The following IQGAP2 variants were observed in gnomAD, a reference collection of about 807,000 sequenced individuals.
The protein encoded by IQGAP2 is ras GTPase-activating-like protein IQGAP2.
Under a neutral mutation model 201.3 loss-of-function variants are expected in IQGAP2, and 173 were observed. The ratio of observed to expected loss-of-function variants is 0.86; its 90% confidence interval spans 0.76 to 0.98. The LOEUF is 0.98. Ranked by LOEUF, IQGAP2 falls within the 50% of genes least tolerant of loss-of-function variation. The probability of loss-of-function intolerance (pLI) is 0.00; values close to 1 mark genes in which losing one functional copy is unlikely to be tolerated. For synonymous variants in IQGAP2, 675 were observed against 673.9 expected (o/e 1.00, Z -0.03); for missense variants, 1,687 against 1,864.8 (o/e 0.90, Z 1.76).
Position 76,673,968 on chromosome 5 carries a change from A to G in IQGAP2, c.3226A>G (p.Ile1076Val), listed in dbSNP as rs746982087. The part of the protein sequence containing the change: ...LDLLPYGLRY[I>V]AKVLKNSIHE... The stretch of plus-strand genomic sequence containing the variant: ...TATATGTAGTTATGGATTGAGGTAT[A>G]TAGCCAAAGTACTGAAGAATTCGAT... The change falls in exon 26 of 36, where the codon ATA becomes GTA. Residue 1076 changes from isoleucine to valine, a missense_variant. By Grantham distance (29) the Ile-to-Val change is conservative (BLOSUM62 3). Transcript: ENST00000274364. The G allele has an allele frequency of 3.1e-6, 5 of 1,594,294 alleles. No individual in the cohort carries two copies. The African/African-American group carries it at 5.4e-5, about 17-fold the overall frequency.
intron 2 of IQGAP2, among the ~76,000 whole-genome samples, chr5:76,489,471 T>C (rs13158404): frequency 0.53 from 80,177 of 152,056 alleles, 21,362 homozygotes; most frequent in Middle Eastern, 0.65. Flanking sequence ...TGTTTGTTTG[T>C]TTGTTTTTTA....
At position 76,414,295 on chromosome 5, in the gene IQGAP2, C is replaced by T. The variant is rs138171377; in HGVS notation, c.46+10704C>T. 1.2e-4 allele frequency among the ~76,000 whole-genome samples: 18 copies of T among 152,260 alleles called. No individual in the cohort carries two copies. The East Asian group carries it at 3.1e-3, about 26-fold the overall frequency. ...GATGAGGAGCCTGGTAAGATAGTCA[C>T]ATAGTCAGCCTCATGAAATATGACT... is the stretch of plus-strand genomic sequence containing the variant. On this transcript the variant is annotated intron_variant, in intron 1 of 35. Coordinates refer to ENST00000274364, the MANE Select transcript of IQGAP2 (RefSeq NM_006633.5).
chr5:76,406,484 T>C (rs1750801701), intron 1 of IQGAP2, among the ~76,000 whole-genome samples: 1 of 152,248 alleles, frequency 6.6e-6, no homozygotes. Context: ...CTGTTTAAAC[T>C]AATGCAGACA....
At position 76,451,706 on chromosome 5, in the gene IQGAP2, C is replaced by T. The variant is rs542488592; in HGVS notation, c.47-9864C>T. On this transcript the variant is annotated intron_variant, in intron 1 of 35. Coordinates refer to ENST00000274364, the MANE Select transcript of IQGAP2 (RefSeq NM_006633.5). ...GGACCTGGTATTAATGCTTATTCCT[C>T]ATTATTATTATTTTTTTTTCTGCAA... Among the ~76,000 whole-genome samples the T allele has an allele frequency of 2.0e-5, 3 of 152,266 alleles. No individual in the cohort carries two copies. In the East Asian group the frequency reaches 5.8e-4, roughly 29 times the overall value.
intron 13 of IQGAP2, chr5:76,618,441 G>T (rs532074209): frequency 1.9e-6 from 3 of 1,614,216 alleles, no homozygotes; most frequent in East Asian, 2.2e-5. Context: ...TAAGGAGCTG[G>T]TCAGGTACCC....
chr5:76,689,128 G>A (rs1337126931), intron 30 of IQGAP2, among the ~76,000 whole-genome samples: 2 of 148,564 alleles, frequency 1.3e-5, no homozygotes, highest in African/African-American at 5.0e-5. Flanking sequence ...ATCGGAGTAG[G>A]AAGAAACATT....
At chr5:76,532,045 C>T (rs1759327373) in intron 2 of IQGAP2, among the ~76,000 whole-genome samples, 1 of 152,232 alleles carries the variant, frequency 6.6e-6, no homozygotes, top group South Asian at 2.1e-4. Flanking sequence ...TGGCCTCCCA[C>T]AGGCCATATC....
chr5:76,703,794 C>T (rs1336791737), intron 35 of IQGAP2, among the ~76,000 whole-genome samples: 2 of 152,050 alleles, frequency 1.3e-5, no homozygotes, highest in Non-Finnish European at 2.9e-5. Flanking sequence ...AACATCTTAC[C>T]TGGGCCCCAA....
chr5:76,456,022 A>G (rs1182861493), intron 1 of IQGAP2, among the ~76,000 whole-genome samples: 2 of 152,174 alleles, frequency 1.3e-5, no homozygotes, highest in Non-Finnish European at 2.9e-5. Context: ...TGCCCTTAGT[A>G]TCTTGTGTGA....
intron 2 of IQGAP2, among the ~76,000 whole-genome samples, chr5:76,551,737 C>T (rs1561457024): frequency 1.3e-5 from 2 of 151,956 alleles, no homozygotes; most frequent in African/African-American, 2.4e-5. Context: ...GCCTGCAATC[C>T]CAGGCACTCT....
At chr5:76,505,430 T>A (rs1757559140) in intron 2 of IQGAP2, among the ~76,000 whole-genome samples, 1 of 152,236 alleles carries the variant, frequency 6.6e-6, no homozygotes, top group African/African-American at 2.4e-5. Flanking sequence ...TGCTGCTATT[T>A]GATTTTACTG....
At chr5:76,407,571 A>G (rs1750865977) in intron 1 of IQGAP2, among the ~76,000 whole-genome samples, 1 of 152,232 alleles carries the variant, frequency 6.6e-6, no homozygotes, top group African/African-American at 2.4e-5. Flanking sequence ...CAAAAAGTCA[A>G]GCTGCTCCCT....
chr5:76,497,124 G>A (rs1757037663), intron 2 of IQGAP2, among the ~76,000 whole-genome samples: 1 of 152,050 alleles, frequency 6.6e-6, no homozygotes, highest in Non-Finnish European at 1.5e-5. Flanking sequence ...CACTGCGCCC[G>A]GCCCAAATCT....
intron 14 of IQGAP2, among the ~76,000 whole-genome samples, chr5:76,627,787 G>GTTTTAGAA: frequency 6.6e-6 from 1 of 152,056 alleles, no homozygotes; most frequent in Non-Finnish European, 1.5e-5. Flanking sequence ...GATTTTTAGA[G>GTTTTAGAA]AACTAGACCA....
chr5:76,508,685 T>G lies in IQGAP2; in HGVS notation c.146+47016T>G, dbSNP rs551918731. Among the ~76,000 whole-genome samples, 376 of 152,054 alleles carry G rather than the reference T, an allele frequency of 2.5e-3. 2 individuals are homozygous for G. Among genetic ancestry groups the G allele is most frequent in the African/African-American group, 2.4e-3 (101 of 41,494 alleles). On this transcript the variant is annotated intron_variant, in intron 2 of 35. Transcript: ENST00000274364. The stretch of plus-strand genomic sequence containing the variant: ...TAGTGAGACCCTGTCTCTGGTTTTT[T>G]TTTTGTTTTGTTTTGTTTTTTTTTT...
chr5:76,563,886 A>G (rs1262863459), intron 3 of IQGAP2, among the ~76,000 whole-genome samples: 1 of 152,208 alleles, frequency 6.6e-6, no homozygotes. Flanking sequence ...TAGGCAAAAT[A>G]TATTCTTTAA....
At chr5:76,433,096 G>A (rs1295257893) in intron 1 of IQGAP2, among the ~76,000 whole-genome samples, 1 of 152,110 alleles carries the variant, frequency 6.6e-6, no homozygotes, top group African/African-American at 2.4e-5. Flanking sequence ...CAAGAATTGT[G>A]GGGTACCTGG....
At chr5:76,688,812 C>T (rs1746007923) in intron 30 of IQGAP2, among the ~76,000 whole-genome samples, 1 of 152,086 alleles carries the variant, frequency 6.6e-6, no homozygotes, top group South Asian at 2.1e-4. Context: ...TTCTCAGCAA[C>T]CCCAAGAGAG....
intron 5 of IQGAP2, 49 bp from the exon 6 acceptor site, chr5:76,588,857 A>T (rs745812498): frequency 8.9e-7 from 1 of 1,117,458 alleles, no homozygotes. Context: ...TATAACATTA[A>T]GACTTATGAT....
Sources: gnomAD v4.1 joint callset for allele counts (sites outside exome capture counted in the v4.1 genomes callset) on GRCh38, gnomAD v4.1.1 for gene constraint, MANE v1.5 for transcripts, NCBI Gene and HGNC (gene_info 2026-07-23, HGNC 2026-07-21) for gene names.